The following UGGT1 variants were observed in gnomAD, a reference collection of about 807,000 sequenced individuals.
The protein encoded by UGGT1 is UDP-glucose glycoprotein glucosyltransferase 1.
UGGT1 carries 107 observed loss-of-function variants against 203.9 expected under a neutral mutation model. That is an observed-to-expected ratio of 0.52 (90% CI 0.45 to 0.62). The LOEUF (loss-of-function observed/expected upper bound fraction) is 0.62, where lower values mean the gene tolerates loss of function less well. UGGT1 is among the 20% of genes least tolerant of loss of function. UGGT1 has a pLI of 0.00. For synonymous variants in UGGT1, 628 were observed against 653.5 expected (o/e 0.96, Z 0.59); for missense variants, 1,673 against 1,867.2 (o/e 0.90, Z 1.92).
At position 128,171,230 on chromosome 2, in the gene UGGT1, A is replaced by G; in HGVS notation, c.3050A>G (p.Asn1017Ser). The change falls in exon 28 of 41, where the codon AAT becomes AGT. Residue 1017 changes from asparagine (N) to serine (S), a missense_variant. Around this residue, in one of 4 missense-constraint regions of UGGT1, gnomAD observed 513 missense variants for 684.1 expected, o/e 0.75. Coordinates refer to ENST00000259253, the MANE Select transcript of UGGT1 (RefSeq NM_020120.4). The stretch of plus-strand genomic sequence containing the variant: ...GTTTTGGCTCAGCTGATAAACATGA[A>G]TCTGAGAGTATTTATGAACTGCCAA... ...LLVLAQLINMNLRVFMNCQSK... is the reference protein window; with the variant it reads ...LLVLAQLINMSLRVFMNCQSK... 6.2e-7 allele frequency: 1 copy of G among 1,613,434 alleles called. No homozygotes were observed. Among genetic ancestry groups the G allele is most frequent in the Non-Finnish European group, 8.5e-7 (1 of 1,179,844 alleles).
chr2:128,124,359 G>GT (rs1353124286), intron 11 of UGGT1, among the ~76,000 whole-genome samples: 1 of 152,196 alleles, frequency 6.6e-6, no homozygotes, highest in East Asian at 1.9e-4. Flanking sequence ...TGGAATTTTA[G>GT]TTTCCATTGT....
At chr2:128,157,158 T>C in intron 21 of UGGT1, 94 bp from the exon 22 acceptor site, 1 of 906,866 alleles carries the variant, frequency 1.1e-6, no homozygotes, top group Admixed American at 2.0e-5. Flanking sequence ...GCATGGTTCT[T>C]ACAAATTATT....
rs73955978 is a variant in UGGT1, at chr2:128,175,523, T to C, written c.3539+665T>C. Among the ~76,000 whole-genome samples the C allele has an allele frequency of 4.1e-3, 627 of 152,306 alleles. 5 individuals carry two copies. Among genetic ancestry groups the C allele is most frequent in the African/African-American group, 0.013 (550 of 41,552 alleles). ...TTCCATTAGGGCACATTTGAAGCAC[T>C]CTGTAGTATGTCCTTGCCTTAATTA... is the stretch of plus-strand genomic sequence containing the variant. On this transcript the variant is annotated intron_variant, in intron 31 of 40. Transcript: ENST00000259253.
At chr2:128,169,773 T>G (rs1691000929) in intron 26 of UGGT1, among the ~76,000 whole-genome samples, 1 of 152,210 alleles carries the variant, frequency 6.6e-6, no homozygotes, top group Non-Finnish European at 1.5e-5. Context: ...GGAAGGAAAT[T>G]GTTTTGAAAT....
chr2:128,125,703 G>A (rs1245840697), intron 11 of UGGT1, among the ~76,000 whole-genome samples: 1 of 152,038 alleles, frequency 6.6e-6, no homozygotes, highest in Non-Finnish European at 1.5e-5. Context: ...TTATATCTGA[G>A]ATATTAGTGA....
chr2:128,183,276 A>G (rs552747205), intron 37 of UGGT1, among the ~76,000 whole-genome samples: 1 of 152,338 alleles, frequency 6.6e-6, no homozygotes, highest in South Asian at 2.1e-4. Context: ...TTCATTCTTT[A>G]CATTCCTGGT....
intron 2 of UGGT1, among the ~76,000 whole-genome samples, chr2:128,101,933 T>A (rs1049043566): frequency 6.6e-6 from 1 of 152,208 alleles, no homozygotes; most frequent in Non-Finnish European, 1.5e-5. Context: ...TAGTTTTTTT[T>A]GTGTTGTAGA....
chr2:128,114,677 C>T (rs4608467), intron 6 of UGGT1, among the ~76,000 whole-genome samples: 137,011 of 152,202 alleles, frequency 0.9, 62,457 homozygotes, highest in Non-Finnish European at 0.98. Context: ...CAACCCTGCT[C>T]TGTAGGTTCT....
chr2:128,178,186 T>A (rs1300699252), intron 33 of UGGT1, among the ~76,000 whole-genome samples: 1 of 152,222 alleles, frequency 6.6e-6, no homozygotes, highest in East Asian at 1.9e-4. Flanking sequence ...ATTTGACTGC[T>A]CCCTGCTCAG....
chr2:128,172,405 A>G (rs906550809), intron 28 of UGGT1, among the ~76,000 whole-genome samples, 168 bp from the exon 29 acceptor site: 3 of 152,206 alleles, frequency 2.0e-5, no homozygotes, highest in Non-Finnish European at 4.4e-5. Context: ...AGCAACCACA[A>G]GGAGGCATCA....
intron 26 of UGGT1, among the ~76,000 whole-genome samples, chr2:128,169,700 C>T (rs1198844368): frequency 6.6e-6 from 1 of 152,110 alleles, no homozygotes; most frequent in African/African-American, 2.4e-5. Flanking sequence ...CATATTATTT[C>T]TTATAGAGGA....
intron 8 of UGGT1, among the ~76,000 whole-genome samples, 168 bp from the exon 9 acceptor site, chr2:128,120,188 T>G (rs1251086972): frequency 1.3e-5 from 2 of 152,188 alleles, no homozygotes; most frequent in Non-Finnish European, 2.9e-5. Context: ...CTTCTAATTT[T>G]CTATTTTTTT....
rs946402715 is a variant in UGGT1 at position 128,179,923 on chromosome 2, A to G, written c.3900+53A>G. On this transcript the variant is annotated intron_variant, in intron 35 of 40. Coordinates refer to ENST00000259253, the MANE Select transcript of UGGT1 (RefSeq NM_020120.4). ...TTCTTATTAAGGAGATATTTACTGT[A>G]TATTTTTCATGACTTTTGTTTTATC... 1.4e-5 allele frequency: 22 copies of G among 1,523,082 alleles called. No individual in the cohort carries two copies. The Admixed American group carries it at 2.6e-4, about 18-fold the overall frequency. 94.3% of individuals were successfully genotyped at this position (1,523,082 alleles called of 1,614,324 possible).
At chr2:128,141,129 G>A (rs1018416029) in intron 16 of UGGT1, among the ~76,000 whole-genome samples, 16 of 152,060 alleles carry the variant, frequency 1.1e-4, no homozygotes, top group African/African-American at 3.9e-4. Context: ...TTTGAGACCA[G>A]CCTGGCCAAC....
chr2:128,180,877 T>C lies in UGGT1; in HGVS notation c.3901-13T>C. 1.2e-6 allele frequency: 2 copies of C among 1,602,718 alleles called. No homozygotes were observed. Among genetic ancestry groups the C allele is most frequent in the Non-Finnish European group, 1.7e-6 (2 of 1,173,854 alleles). On this transcript the variant is annotated splice_polypyrimidine_tract_variant and intron_variant, in intron 35 of 40. Coordinates refer to ENST00000259253, the MANE Select transcript of UGGT1 (RefSeq NM_020120.4). ...AAGAAATGATTATTTGTTGTTCCCA[T>C]GTCTAAAAATAGGAGTTTATACCTT...
chr2:128,160,585 T>C lies in UGGT1; in HGVS notation c.2688T>C (p.Asn896=), dbSNP rs1242478745. The C allele has an allele frequency of 6.2e-7, 1 of 1,611,898 alleles. No individual in the cohort carries two copies. Among genetic ancestry groups the C allele is most frequent in the South Asian group, 1.1e-5 (1 of 90,770 alleles). The change falls in exon 24 of 41, where the codon AAT becomes AAC. Residue 896 remains asparagine (N), a synonymous_variant. Coordinates refer to ENST00000259253, the MANE Select transcript of UGGT1 (RefSeq NM_020120.4). Reference sequence around the variant, plus strand: ...AGGGACAGAGGGCAGTGATCAGCAATGGAAGGGTGAGGATTTGTCAAGCTT... The same window carrying C: ...AGGGACAGAGGGCAGTGATCAGCAACGGAAGGGTGAGGATTTGTCAAGCTT... ...LKKGQRAVIS[N]GRIIGPLEDS...
At chr2:128,150,809 T>G (rs1689924531) in intron 18 of UGGT1, among the ~76,000 whole-genome samples, 1 of 152,006 alleles carries the variant, frequency 6.6e-6, no homozygotes, top group Non-Finnish European at 1.5e-5. Context: ...AGGGTCACCA[T>G]CTCCTCAGGC....
intron 1 of UGGT1, among the ~76,000 whole-genome samples, chr2:128,093,639 T>G (rs1686973193): frequency 6.6e-6 from 1 of 152,214 alleles, no homozygotes; most frequent in Non-Finnish European, 1.5e-5. Flanking sequence ...CACAAGCACT[T>G]TTCTCAGTCT....
Position 128,129,191 on chromosome 2 carries a change from G to C in UGGT1, c.1377+12G>C, listed in dbSNP as rs376784139. 15 of 1,601,422 alleles carry C rather than the reference G, an allele frequency of 9.4e-6. No homozygotes were observed. In the South Asian group the frequency reaches 1.7e-4, roughly 18 times the overall value. The stretch of plus-strand genomic sequence containing the variant: ...GTCCTGCTATTTCAGTGAGTATTTT[G>C]TTAGGGTGATCAAAGGACTTTCTGA... On this transcript the variant is annotated intron_variant, in intron 13 of 40. Coordinates refer to ENST00000259253, the MANE Select transcript of UGGT1 (RefSeq NM_020120.4).
Sources: allele counts gnomAD v4.1 joint callset (sites outside exome capture counted in the v4.1 genomes callset), GRCh38; gene constraint gnomAD v4.1.1; regional missense constraint gnomAD v4.1.1; transcripts MANE v1.5; gene names NCBI Gene and HGNC (gene_info 2026-07-23, HGNC 2026-07-21).